ERBB4: variants seen among roughly 807,000 people sequenced by gnomAD.
ERBB4 encodes the protein receptor tyrosine-protein kinase erbB-4.
In ERBB4, 42 loss-of-function variants were observed where a neutral mutation model predicts 158.0. The ratio of observed to expected loss-of-function variants is 0.27; its 90% CI spans 0.21 to 0.34. The LOEUF is 0.34. ERBB4 is among the 10% of genes least tolerant of loss of function. ERBB4 has a pLI of 1.00. For missense variants in ERBB4, 1,333 were observed against 1,624.1 expected (o/e 0.82, Z 3.08); for synonymous variants, 583 against 558.7 (o/e 1.04, Z -0.61).
chr2:211,886,141 T>C (rs1262951208), intron 3 of ERBB4, among the ~76,000 whole-genome samples: 1 of 152,204 alleles, frequency 6.6e-6, no homozygotes, highest in Non-Finnish European at 1.5e-5. Flanking sequence ...CTGTCTTAGA[T>C]ACACTCATCA....
intron 20 of ERBB4, among the ~76,000 whole-genome samples, chr2:211,541,099 GA>G (rs1413004305): frequency 6.6e-6 from 1 of 151,840 alleles, no homozygotes; most frequent in African/African-American, 2.4e-5. Flanking sequence ...CTTTTCGGGG[GA>G]AAAGGTACAA....
intron 2 of ERBB4, among the ~76,000 whole-genome samples, chr2:211,983,787 G>T (rs1481636762): frequency 6.6e-6 from 1 of 152,046 alleles, no homozygotes; most frequent in African/African-American, 2.4e-5. Flanking sequence ...GTATTTGAAA[G>T]AATTAAGAAT....
chr2:211,762,511 G>A (rs1188312509), intron 4 of ERBB4, among the ~76,000 whole-genome samples: 1 of 152,120 alleles, frequency 6.6e-6, no homozygotes, highest in Non-Finnish European at 1.5e-5. Context: ...GTTTCAGAAA[G>A]GGAAACAGAA....
At chr2:211,670,905 C>G (rs763829878) in intron 14 of ERBB4, among the ~76,000 whole-genome samples, 1 of 152,082 alleles carries the variant, frequency 6.6e-6, no homozygotes, top group African/African-American at 2.4e-5. Context: ...CTAATAAAGG[C>G]ATACTGAAGG....
rs917065852 is a variant in ERBB4 at position 211,750,516 on chromosome 2, A to G, written c.622+123T>C. The G allele has an allele frequency of 5.9e-6, 5 of 844,176 alleles. No individual in the cohort carries two copies. The East Asian group carries it at 7.4e-5, about 12-fold the overall frequency. 52.3% of individuals were successfully genotyped at this position (844,176 alleles called of 1,614,324 possible). On this transcript the variant is annotated intron_variant, in intron 5 of 27. Transcript: ENST00000342788. ...TCGGGTAGTTTTCTTGGCCCAAAGC[A>G]AATCAACCACAAGGAGGTGATAGCT...
At chr2:212,185,721 GC>G (rs2081997681) in intron 1 of ERBB4, among the ~76,000 whole-genome samples, 1 of 152,016 alleles carries the variant, frequency 6.6e-6, no homozygotes, top group Admixed American at 6.6e-5. Context: ...GAGAAGTCTG[GC>G]CCAAAGAGGA....
chr2:212,326,112 T>C (rs2087817868), intron 1 of ERBB4, among the ~76,000 whole-genome samples: 1 of 150,592 alleles, frequency 6.6e-6, no homozygotes, highest in Non-Finnish European at 1.5e-5. Context: ...ATTGGGATGC[T>C]TTTAAAATCC....
intron 19 of ERBB4, among the ~76,000 whole-genome samples, chr2:211,569,584 A>G (rs1409033393): frequency 2.6e-5 from 4 of 152,250 alleles, no homozygotes; most frequent in African/African-American, 9.6e-5. Context: ...TCGCAGAGCT[A>G]CTTTAGATAA....
intron 3 of ERBB4, among the ~76,000 whole-genome samples, chr2:211,897,325 A>G (rs771543270): frequency 6.6e-6 from 1 of 152,002 alleles, no homozygotes; most frequent in Non-Finnish European, 1.5e-5. Flanking sequence ...CCAGAAGTTT[A>G]CAGATACTTA....
At chr2:211,660,950 CTT>C (rs1448397341) in intron 15 of ERBB4, among the ~76,000 whole-genome samples, 2 of 152,070 alleles carry the variant, frequency 1.3e-5, no homozygotes, top group East Asian at 1.9e-4. Flanking sequence ...TAAAATAACT[CTT>C]AAGATAATTT....
intron 1 of ERBB4, among the ~76,000 whole-genome samples, chr2:212,278,739 C>T (rs2085639766): frequency 6.6e-6 from 1 of 151,524 alleles, no homozygotes; most frequent in Admixed American, 6.6e-5. Flanking sequence ...GAAAAGCAAT[C>T]TTCACTTTAA....
At chr2:212,227,835 A>T (rs2083525954) in intron 1 of ERBB4, among the ~76,000 whole-genome samples, 1 of 151,930 alleles carries the variant, frequency 6.6e-6, no homozygotes. Context: ...AAAAAAAAAA[A>T]GTCTTATGGG....
intron 1 of ERBB4, among the ~76,000 whole-genome samples, chr2:212,538,230 A>G (rs1693216033): frequency 7.2e-6 from 1 of 138,040 alleles, no homozygotes; most frequent in South Asian, 2.1e-4. Flanking sequence ...AGGAGAGAAA[A>G]GAGGGACTCA....
At chr2:212,248,964 G>A (rs1326790289) in intron 1 of ERBB4, among the ~76,000 whole-genome samples, 2 of 152,002 alleles carry the variant, frequency 1.3e-5, no homozygotes, top group Non-Finnish European at 2.9e-5. Context: ...AAAGTAAAAT[G>A]GACTATGCAT....
intron 1 of ERBB4, among the ~76,000 whole-genome samples, chr2:212,404,228 CCAAGT>C (rs918547198): frequency 1.7e-4 from 26 of 152,034 alleles, no homozygotes; most frequent in African/African-American, 4.8e-4. Context: ...AAGTCAATGG[CCAAGT>C]CAAGACTAGA....
intron 1 of ERBB4, among the ~76,000 whole-genome samples, chr2:212,512,361 C>CAA (rs71397170): frequency 1.4e-4 from 20 of 147,316 alleles, no homozygotes; most frequent in South Asian, 2.1e-4. Flanking sequence ...TATATATACA[C>CAA]AAAAAAAAAC....
At chr2:212,000,147 T>A (rs2076071029) in intron 2 of ERBB4, among the ~76,000 whole-genome samples, 1 of 151,802 alleles carries the variant, frequency 6.6e-6, no homozygotes, top group Non-Finnish European at 1.5e-5. Flanking sequence ...GTTTTTCACA[T>A]CAATAAGCAG....
chr2:211,748,503 C>A (rs1243214833), intron 5 of ERBB4, among the ~76,000 whole-genome samples: 1 of 152,078 alleles, frequency 6.6e-6, no homozygotes, highest in Non-Finnish European at 1.5e-5. Flanking sequence ...CTTAAGTGCC[C>A]CTACTCAACA....
intron 3 of ERBB4, among the ~76,000 whole-genome samples, chr2:211,792,655 G>A (rs890575589): frequency 4.6e-5 from 7 of 151,736 alleles, no homozygotes; most frequent in Non-Finnish European, 1.0e-4. Flanking sequence ...AAATTTTCTT[G>A]TATTGAACTG....
Sources: gnomAD v4.1 joint callset for allele counts (sites outside exome capture counted in the v4.1 genomes callset) on GRCh38, gnomAD v4.1.1 for gene constraint, MANE v1.5 for transcripts, NCBI Gene and HGNC (gene_info 2026-07-23, HGNC 2026-07-21) for gene names.